ABI3BP: variants seen among roughly 807,000 people sequenced by gnomAD.
ABI3BP encodes target of Nesh-SH3.
A neutral mutation model predicts 268.6 loss-of-function variants in ABI3BP; 216 were observed. That is an observed-to-expected ratio of 0.80 (90% confidence interval 0.72 to 0.90). The LOEUF is 0.90. Ranked by LOEUF, ABI3BP falls within the 40% of genes least tolerant of loss-of-function variation. ABI3BP has a pLI of 0.00. For missense variants in ABI3BP, 2,090 were observed against 2,182.4 expected, an observed-to-expected ratio of 0.96 and a Z score of 0.84; for synonymous variants, 730 against 730.0, an observed-to-expected ratio of 1.00 and a Z score of 0.00.
At chr3:100,782,316 A>G (rs952999774) in intron 57 of ABI3BP, among the ~76,000 whole-genome samples, 5 of 152,176 alleles carry the variant, frequency 3.3e-5, no homozygotes, top group African/African-American at 7.2e-5. Flanking sequence ...CATTATACGT[A>G]AGACCAAAGA....
At chr3:100,838,347 T>A in intron 25 of ABI3BP, 55 bp downstream of exon 25, 1 of 1,528,416 alleles carries the variant, frequency 6.5e-7, no homozygotes, top group Non-Finnish European at 8.8e-7. Flanking sequence ...GAGATTAATG[T>A]TACTTACACA....
chr3:100,828,599 T>C, intron 33 of ABI3BP, 147 bp from the exon 34 acceptor site: 1 of 659,790 alleles, frequency 1.5e-6, no homozygotes, highest in Non-Finnish European at 2.6e-6. Context: ...TGGGAGAAAA[T>C]GACACCTCTG....
rs746610584 is a variant in ABI3BP, at chr3:100,822,616, G to A, written c.2860C>T (p.Arg954Cys). The A allele has an allele frequency of 7.2e-5, 110 of 1,536,584 alleles. No homozygotes were observed. Among genetic ancestry groups the A allele is most frequent in the South Asian group, 5.2e-4 (44 of 84,058 alleles). Reference protein sequence around the residue: ...RPRLRTKTTPRPEAPESKPVP... With the variant: ...RPRLRTKTTPCPEAPESKPVP... Reference sequence around the variant, plus strand: ...GGTTTGGATTCAGGTGCTTCAGGACGTGGTGTGGTTTTTGTTCTGAGACGT... The same window carrying A: ...GGTTTGGATTCAGGTGCTTCAGGACATGGTGTGGTTTTTGTTCTGAGACGT... The change falls in exon 38 of 68, where the codon CGT becomes TGT. Residue 954 changes from arginine to cysteine, a missense_variant. Transcript: ENST00000471714.
intron 1 of ABI3BP, among the ~76,000 whole-genome samples, chr3:100,940,701 A>G: frequency 6.9e-6 from 1 of 144,956 alleles, no homozygotes. Flanking sequence ...TACTAGCAGT[A>G]GGATGCCTGG....
chr3:100,987,424 C>A (rs2092097690), intron 1 of ABI3BP, among the ~76,000 whole-genome samples: 1 of 152,180 alleles, frequency 6.6e-6, no homozygotes, highest in Admixed American at 6.5e-5. Context: ...TTAACAGTAT[C>A]TTATAGCCCA....
intron 48 of ABI3BP, 31 bp from the exon 49 acceptor site, chr3:100,810,508 A>G (rs1028566346): frequency 2.0e-5 from 29 of 1,472,384 alleles, no homozygotes; most frequent in Non-Finnish European, 2.6e-5. Flanking sequence ...TACGCGGGTT[A>G]CTATAGCACT....
intron 65 of ABI3BP, among the ~76,000 whole-genome samples, chr3:100,753,344 A>C (rs894390519): frequency 6.6e-6 from 1 of 151,924 alleles, no homozygotes; most frequent in Admixed American, 6.6e-5. Context: ...CTGTTGCCCA[A>C]GCTGGATAAT....
rs778528662 is a variant in ABI3BP at position 100,750,621 on chromosome 3, A to AAAT, written c.5246-14_5246-12dup. 4.6e-5 allele frequency: 73 copies of AAAT among 1,592,166 alleles called. No homozygotes were observed. The South Asian group carries it at 5.4e-4, about 12-fold the overall frequency. On this transcript the variant is annotated splice_polypyrimidine_tract_variant and intron_variant, in intron 67 of 67. Transcript: ENST00000471714. ...CTGCTCTGAAATAACCTGAGAGAGA[A>AAAT]AATAGTTTCATTTTAATAGCTGCTG...
chr3:100,948,104 T>A (rs964446833), intron 1 of ABI3BP, among the ~76,000 whole-genome samples: 6 of 152,108 alleles, frequency 3.9e-5, no homozygotes, highest in Non-Finnish European at 5.9e-5. Context: ...TGGTGGGATA[T>A]AATGGGTTAA....
chr3:100,795,919 C>T, intron 52 of ABI3BP, 68 bp from the exon 53 acceptor site: 1 of 1,150,420 alleles, frequency 8.7e-7, no homozygotes, highest in Non-Finnish European at 1.1e-6. Context: ...AAAATAGTTT[C>T]CTTATTTTTT....
chr3:100,902,676 C>T lies in ABI3BP; in HGVS notation c.270G>A (p.Pro90=), dbSNP rs376689184. The T allele has an allele frequency of 2.2e-5, 35 of 1,613,664 alleles. No individual in the cohort carries two copies. The highest frequency in any genetic ancestry group is 1.6e-4 in the Middle Eastern group (1 of 6,084). Residue 90 remains proline (P), a synonymous_variant, in exon 3 of 68, where the codon CCG becomes CCA. Coordinates refer to ENST00000471714, the MANE Select transcript of ABI3BP (RefSeq NM_001375547.2). The part of the protein sequence containing the change: ...KFTEAIVDAE[P]KYLIVVRPAP... ...CAGGTCGCACAACTATCAGATATTT[C>T]GGCTCTGCATCTGGAAGCAATAACA... is the stretch of plus-strand genomic sequence containing the variant.
intron 1 of ABI3BP, among the ~76,000 whole-genome samples, chr3:100,933,360 T>G (rs994228069): frequency 6.6e-6 from 1 of 151,854 alleles, no homozygotes; most frequent in African/African-American, 2.4e-5. Flanking sequence ...ATAACCCTAT[T>G]CTTATCCATA....
intron 36 of ABI3BP, 94 bp from the exon 37 acceptor site, chr3:100,823,608 T>G (rs2098289660): frequency 1.1e-6 from 1 of 934,182 alleles, no homozygotes. Flanking sequence ...ATGTCAATTC[T>G]TCCAGAGAAA....
At chr3:100,781,381 A>G (rs2096858930) in intron 57 of ABI3BP, among the ~76,000 whole-genome samples, 1 of 152,212 alleles carries the variant, frequency 6.6e-6, no homozygotes. Flanking sequence ...GTAAGAGATA[A>G]AATACATAAA....
At chr3:100,802,024 T>C (rs1038548373) in intron 51 of ABI3BP, among the ~76,000 whole-genome samples, 1 of 152,224 alleles carries the variant, frequency 6.6e-6, no homozygotes, top group Non-Finnish European at 1.5e-5. Context: ...TTTTAAAGTA[T>C]GTAATCCAAG....
chr3:100,937,919 A>G (rs977241161), intron 1 of ABI3BP, among the ~76,000 whole-genome samples: 26 of 152,212 alleles, frequency 1.7e-4, no homozygotes, highest in African/African-American at 5.3e-4. Flanking sequence ...TATGACATAG[A>G]TTGTATTAAA....
At chr3:100,984,739 C>A (rs1259773528) in intron 1 of ABI3BP, among the ~76,000 whole-genome samples, 9 of 152,164 alleles carry the variant, frequency 5.9e-5, no homozygotes, top group Non-Finnish European at 2.9e-5. Flanking sequence ...CTGATTTAGT[C>A]TTGCTGTCCA....
At chr3:100,787,885 A>G in intron 56 of ABI3BP, 83 bp from the exon 57 acceptor site, 1 of 1,028,176 alleles carries the variant, frequency 9.7e-7, no homozygotes, top group Non-Finnish European at 1.4e-6. Flanking sequence ...AGAGAATTGA[A>G]AGTCATTTAG....
chr3:100,900,474 A>G (rs1374293728), intron 3 of ABI3BP, among the ~76,000 whole-genome samples: 1 of 152,202 alleles, frequency 6.6e-6, no homozygotes, highest in Non-Finnish European at 1.5e-5. Context: ...CTCAATCACA[A>G]TCTAGTTTTA....
Sources: allele counts gnomAD v4.1 joint callset (sites outside exome capture counted in the v4.1 genomes callset), GRCh38; gene constraint gnomAD v4.1.1; transcripts MANE v1.5; gene names NCBI Gene and HGNC (gene_info 2026-07-23, HGNC 2026-07-21).